The following FBN3 variants were observed in gnomAD, a reference collection of about 807,000 sequenced individuals.
The protein encoded by FBN3 is fibrillin 3, also known as fibrillin-3.
In FBN3, 234 loss-of-function variants were observed where a neutral mutation model predicts 330.1. The observed-to-expected ratio is 0.71, with a 90% CI of 0.64 to 0.79. The LOEUF (loss-of-function observed/expected upper bound fraction) is 0.79. Ranked by LOEUF, FBN3 falls within the 30% of genes least tolerant of loss-of-function variation. The probability of loss-of-function intolerance (pLI) is 0.00; values close to 1 mark genes in which losing one functional copy is unlikely to be tolerated. For missense variants in FBN3, 3,606 were observed against 3,886.9 expected, an observed-to-expected ratio of 0.93 and a Z score of 1.92; for synonymous variants, 1,458 against 1,517.3, an observed-to-expected ratio of 0.96 and a Z score of 0.91.
At chr19:8,068,942 G>T (rs2081452184) in intron 63 of FBN3, among the ~76,000 whole-genome samples, 1 of 152,056 alleles carries the variant, frequency 6.6e-6, no homozygotes, top group Non-Finnish European at 1.5e-5. Flanking sequence ...CTGGGCCAAA[G>T]GTATCAAAGA....
At chr19:8,148,363 G>C (rs138786871) in intron 1 of FBN3, among the ~76,000 whole-genome samples, 1 of 152,182 alleles carries the variant, frequency 6.6e-6, no homozygotes, top group African/African-American at 2.4e-5. Flanking sequence ...CCAATGCAGA[G>C]AGTAACCCTG....
intron 63 of FBN3, 88 bp downstream of exon 63, chr19:8,071,960 G>A (rs955482440): frequency 4.7e-5 from 63 of 1,345,118 alleles, no homozygotes; most frequent in East Asian, 7.6e-5. Flanking sequence ...TTCTTGGGGG[G>A]GCTGACATGA....
intron 40 of FBN3, among the ~76,000 whole-genome samples, chr19:8,101,778 G>C (rs1046595392): frequency 4.6e-5 from 7 of 152,140 alleles, no homozygotes; most frequent in Non-Finnish European, 7.3e-5. Context: ...AGCTACTCCT[G>C]TGAATCTTCA....
chr19:8,098,841 A>G (rs114245549), intron 41 of FBN3, among the ~76,000 whole-genome samples: 231 of 151,352 alleles, frequency 1.5e-3, no homozygotes, highest in African/African-American at 5.3e-3. Context: ...CTATCTATCA[A>G]TAGGGGACTG....
rs2082837759 is a variant in FBN3 at position 8,121,125 on chromosome 19, C to T, written c.3211+133G>A. ...GGAGCCCAGACTCACTGTACCTCAG[C>T]TAATTTACAGCTCCTCCCTCCTCCT... On this transcript the variant is annotated intron_variant, in intron 25 of 63. Coordinates refer to ENST00000600128, the MANE Select transcript of FBN3 (RefSeq NM_032447.5). The surrounding 1 kb of genome is among the most constrained non-coding windows in gnomAD (Gnocchi z 4.5). The T allele has an allele frequency of 2.3e-6, 2 of 880,440 alleles. No homozygotes were observed. Among genetic ancestry groups the T allele is most frequent in the East Asian group, 5.3e-5 (2 of 37,958 alleles). 54.5% of individuals were successfully genotyped at this position (880,440 alleles called of 1,614,324 possible). A position where few individuals can be genotyped will look rare whatever the true frequency, so the allele number is the denominator to read the frequency against.
At chr19:8,147,733 G>A (rs556848039) in intron 1 of FBN3, 125 of 383,524 alleles carry the variant, frequency 3.3e-4, no homozygotes, top group Middle Eastern at 2.0e-3. Flanking sequence ...AAGGCAAGAC[G>A]GGAGTGGGAA....
Position 8,136,026 on chromosome 19 carries a change from T to G in FBN3, c.1526A>C (p.Glu509Ala), listed in dbSNP as rs992362631. 73 of 1,509,858 alleles carry G rather than the reference T, an allele frequency of 4.8e-5. No homozygotes were observed. Among genetic ancestry groups the G allele is most frequent in the Non-Finnish European group, 6.4e-5 (71 of 1,116,836 alleles). The allele number at this position is 1,509,858 out of a possible 1,614,324, so 93.5% of individuals were successfully genotyped here. A position where few individuals can be genotyped will look rare whatever the true frequency, so the allele number is the denominator to read the frequency against. ...LCHLGRCVNT[E>A]GSFQCVCNAG... ...ATTGCAGACACACTGGAAGCTGCCC[T>G]CTGTGTTGACACAGCGGCCCAGGTG... is the stretch of plus-strand genomic sequence containing the variant. The change falls in exon 13 of 64, where the codon GAG (glutamate) becomes GCG (alanine). Residue 509 changes from glutamate (E) to alanine (A), a missense_variant. By Grantham distance (107) the Glu-to-Ala change is moderately radical (BLOSUM62 -1). Transcript: ENST00000600128.
At position 8,121,329 on chromosome 19, in the gene FBN3, G is replaced by T; in HGVS notation, c.3140C>A (p.Thr1047Lys). Residue 1047 changes from threonine to lysine, a missense_variant, in exon 25 of 64, where the codon ACG becomes AAG. Coordinates refer to ENST00000600128, the MANE Select transcript of FBN3 (RefSeq NM_032447.5). This position sits in a 1 kb window ranked among gnomAD's most constrained non-coding sequence, Gnocchi z 4.5. Reference sequence around the variant, plus strand: ...ACACTCGCACTCAAAGCTGCCCGGCGTGTTGACACAGGTGCCCTGGCCGCA... The same window carrying T: ...ACACTCGCACTCAAAGCTGCCCGGCTTGTTGACACAGGTGCCCTGGCCGCA... The part of the protein sequence containing the change: ...DLCGQGTCVN[T>K]PGSFECECFP... 6.2e-7 allele frequency: 1 copy of T among 1,613,526 alleles called. No homozygotes were observed. Among genetic ancestry groups the T allele is most frequent in the Non-Finnish European group, 8.5e-7 (1 of 1,179,716 alleles).
rs1599370051 is a variant in FBN3 at position 8,112,109 on chromosome 19, G to C, written c.3839-10C>G. ...TCGCATTCATCCACATCTAAAGGGA[G>C]AGGAGGCACGACGCCAAGACCCAGT... On this transcript the variant is annotated splice_polypyrimidine_tract_variant and intron_variant, in intron 30 of 63. Transcript: ENST00000600128. 1 of 1,611,616 alleles carries C rather than the reference G, an allele frequency of 6.2e-7. No individual in the cohort carries two copies. Among genetic ancestry groups the C allele is most frequent in the Non-Finnish European group, 8.5e-7 (1 of 1,178,608 alleles).
intron 24 of FBN3, among the ~76,000 whole-genome samples, chr19:8,122,393 G>C (rs1317503774): frequency 6.6e-6 from 1 of 152,064 alleles, no homozygotes; most frequent in Non-Finnish European, 1.5e-5. Flanking sequence ...TTGAGACACA[G>C]TCTCGTTCTG....
intron 16 of FBN3, among the ~76,000 whole-genome samples, chr19:8,130,620 GAAAGAAAGAAAGAAAGAAA>G (rs2083111654): frequency 2.5e-4 from 4 of 16,012 alleles, no homozygotes; most frequent in Middle Eastern, 0.024. Context: ...AAGAAAGAAA[GAAAGAAAGAAAGAAAGAAA>G]GAAAGGAAAG....
Position 8,097,156 on chromosome 19 carries a change from T to C in FBN3, c.5287+133A>G, listed in dbSNP as rs147092284. On this transcript the variant is annotated intron_variant, in intron 42 of 63. Coordinates refer to ENST00000600128, the MANE Select transcript of FBN3 (RefSeq NM_032447.5). ...GGGTGGTTATATGAGATGGAGGCCCTTGGAAAGGTGTTAGCCCATTATACA... is the reference window on the plus strand; with the variant it reads ...GGGTGGTTATATGAGATGGAGGCCCCTGGAAAGGTGTTAGCCCATTATACA... The C allele has an allele frequency of 8.0e-4, 1,167 of 1,466,880 alleles. No individual in the cohort carries two copies. Among genetic ancestry groups the C allele is most frequent in the Middle Eastern group, 1.3e-3 (7 of 5,530 alleles). 90.9% of individuals were successfully genotyped at this position (1,466,880 alleles called of 1,614,324 possible).
intron 59 of FBN3, among the ~76,000 whole-genome samples, chr19:8,079,649 G>A (rs1044564292): frequency 6.6e-6 from 1 of 152,112 alleles, no homozygotes; most frequent in Non-Finnish European, 1.5e-5. Flanking sequence ...TGAGTGCACT[G>A]GCACGATCTC....
At chr19:8,086,150 TG>T in intron 55 of FBN3, 49 bp downstream of exon 55, 1 of 1,148,502 alleles carries the variant, frequency 8.7e-7, no homozygotes, top group Non-Finnish European at 1.1e-6. Flanking sequence ...AGGCAGTGGG[TG>T]CCACATGGTA....
chr19:8,085,685 G>A (rs1006806872), intron 55 of FBN3, 116 bp from the exon 56 acceptor site: 2 of 733,262 alleles, frequency 2.7e-6, no homozygotes, highest in African/African-American at 3.6e-5. Flanking sequence ...GGGGTGTCCA[G>A]GAGGGAGTTG....
chr19:8,129,951 G>A lies in FBN3; in HGVS notation c.2045-586C>T, dbSNP rs2083085508. Among the ~76,000 whole-genome samples the A allele has an allele frequency of 6.6e-6, 1 of 151,730 alleles. No individual in the cohort carries two copies. Among genetic ancestry groups the A allele is most frequent in the South Asian group, 2.1e-4 (1 of 4,810 alleles). ...CTCACTCTGTCGCACAGGCTGGAGT[G>A]CAGTGGTGCGATCTCGGCTCACTGC... On this transcript the variant is annotated intron_variant, in intron 16 of 63. Coordinates refer to ENST00000600128, the MANE Select transcript of FBN3 (RefSeq NM_032447.5). This position sits in a 1 kb window ranked among gnomAD's most constrained non-coding sequence, Gnocchi z 4.5.
chr19:8,068,449 C>A (rs1412948271), intron 63 of FBN3, among the ~76,000 whole-genome samples: 3 of 151,364 alleles, frequency 2.0e-5, no homozygotes, highest in Non-Finnish European at 2.9e-5. Context: ...GTACTCCCAG[C>A]ACTTTGGGAA....
In FBN3 at chr19:8,111,709, G is replaced by T. The variant is rs1445534857; in HGVS notation, c.4023C>A (p.Val1341=). ...RCSPRGDCLN[V]PGSYRCTCRQ... ...GGCAGGTGCAGCGGTAGGAGCCAGG[G>T]ACATTGAGACAGTCACCTCTTGGGC... Residue 1341 remains valine (V), a synonymous_variant, in exon 32 of 64, where the codon GTC becomes GTA. Transcript: ENST00000600128. 6 of 1,612,592 alleles carry T rather than the reference G, an allele frequency of 3.7e-6. No homozygotes were observed. Among genetic ancestry groups the T allele is most frequent in the Non-Finnish European group, 5.1e-6 (6 of 1,178,922 alleles).
rs540890948 is a variant in FBN3 at position 8,147,309 on chromosome 19, C to T, written c.167+5G>A. 18 of 1,592,110 alleles carry T rather than the reference C, an allele frequency of 1.1e-5. No individual in the cohort carries two copies. Among genetic ancestry groups the T allele is most frequent in the East Asian group, 9.1e-5 (4 of 44,090 alleles). On this transcript the variant is annotated splice_donor_5th_base_variant and intron_variant, in intron 2 of 63. Coordinates refer to ENST00000600128, the MANE Select transcript of FBN3 (RefSeq NM_032447.5). ...GGGTCTCCCAGCATCCCAGGTACCA[C>T]GCACCCCTGCAAGATGCCTGGGCTG...
Sources: allele counts gnomAD v4.1 joint callset (sites outside exome capture counted in the v4.1 genomes callset), GRCh38; gene constraint gnomAD v4.1.1; non-coding constraint Gnocchi (gnomAD v3.1); transcripts MANE v1.5; gene names NCBI Gene and HGNC (gene_info 2026-07-23, HGNC 2026-07-21).